The following NPSR1 variants were observed in gnomAD, a reference collection of about 807,000 sequenced individuals.
NPSR1 encodes neuropeptide S receptor 1.
Under a neutral mutation model 46.9 loss-of-function variants are expected in NPSR1, and 48 were observed. The ratio of observed to expected loss-of-function variants is 1.02; its 90% CI spans 0.81 to 1.30. The LOEUF is 1.30. Ranked by LOEUF, NPSR1 falls within the 50% of genes most tolerant of loss-of-function variation. The pLI is 0.00. For missense variants in NPSR1, 450 were observed against 449.5 expected (o/e 1.00, Z -0.01); for synonymous variants, 176 against 168.1 (o/e 1.05, Z -0.36).
chr7:34,751,440 A>G, intron 2 of NPSR1: 2 of 1,091,344 alleles, frequency 1.8e-6, no homozygotes, highest in Non-Finnish European at 2.8e-6. Context: ...TCTGTTTGCC[A>G]TCCAACAGTT....
At chr7:34,844,509 C>A (rs933807458) in intron 6 of NPSR1, among the ~76,000 whole-genome samples, 1 of 151,698 alleles carries the variant, frequency 6.6e-6, no homozygotes, top group African/African-American at 2.4e-5. Flanking sequence ...TAGAAAGTAA[C>A]TTTGCCTAGG....
At chr7:34,865,705 AT>A (rs978792191) in intron 8 of NPSR1, among the ~76,000 whole-genome samples, 2 of 151,412 alleles carry the variant, frequency 1.3e-5, no homozygotes, top group Non-Finnish European at 2.9e-5. Context: ...GGGGCACTAC[AT>A]TTCTCTCTTC....
intron 8 of NPSR1, among the ~76,000 whole-genome samples, chr7:34,865,547 G>A (rs1287906957): frequency 6.6e-6 from 1 of 151,766 alleles, no homozygotes; most frequent in Non-Finnish European, 1.5e-5. Flanking sequence ...CCACATGGAA[G>A]GAAACAGCTC....
At chr7:34,702,263 T>C (rs932230419) in intron 2 of NPSR1, among the ~76,000 whole-genome samples, 3 of 152,242 alleles carry the variant, frequency 2.0e-5, no homozygotes, top group South Asian at 2.1e-4. Flanking sequence ...CTCCTCTTAA[T>C]TGGCATTGCC....
At chr7:34,782,795 T>G (rs574653544) in intron 3 of NPSR1, among the ~76,000 whole-genome samples, 1 of 151,966 alleles carries the variant, frequency 6.6e-6, no homozygotes, top group South Asian at 2.1e-4. Flanking sequence ...CCCAATGAAA[T>G]AGAGATATAT....
intron 5 of NPSR1, among the ~76,000 whole-genome samples, chr7:34,831,668 G>C (rs1007038848): frequency 2.0e-5 from 3 of 152,132 alleles, no homozygotes; most frequent in Non-Finnish European, 4.4e-5. Flanking sequence ...AACAGGAGTT[G>C]TTTTGAAATT....
intron 3 of NPSR1, among the ~76,000 whole-genome samples, chr7:34,797,985 G>C (rs529147647): frequency 1.3e-5 from 2 of 152,098 alleles, no homozygotes; most frequent in Admixed American, 1.3e-4. Context: ...ACAAAAACAG[G>C]AAATTTCTCA....
intron 1 of NPSR1, among the ~76,000 whole-genome samples, chr7:34,668,341 T>C (rs1378374771): frequency 6.6e-6 from 1 of 152,246 alleles, no homozygotes; most frequent in Non-Finnish European, 1.5e-5. Flanking sequence ...AGATAGAAGA[T>C]ATTCTTTTGG....
chr7:34,848,441 A>G, intron 7 of NPSR1, 42 bp from the exon 8 acceptor site: 4 of 1,590,822 alleles, frequency 2.5e-6, no homozygotes, highest in Middle Eastern at 1.7e-4. Flanking sequence ...AGACCCCTCA[A>G]CTGCTACCTG....
chr7:34,733,331 A>G (rs1784516204), intron 2 of NPSR1, among the ~76,000 whole-genome samples: 1 of 151,804 alleles, frequency 6.6e-6, no homozygotes, highest in Non-Finnish European at 1.5e-5. Flanking sequence ...AGGCAGGAGA[A>G]TTGCTTGAAC....
At position 34,811,871 on chromosome 7, in the gene NPSR1, G is replaced by A; in HGVS notation, c.478+8G>A. On this transcript the variant is annotated splice_region_variant and intron_variant, in intron 4 of 8. Transcript: ENST00000360581. Reference sequence around the variant, plus strand: ...TGAAGTTCCTTCAAGGAGGTGAGCTGGCTTTACCAGGTGCTCTTTCATAAA... The same window carrying A: ...TGAAGTTCCTTCAAGGAGGTGAGCTAGCTTTACCAGGTGCTCTTTCATAAA... 9 of 1,595,500 alleles carry A rather than the reference G, an allele frequency of 5.6e-6. No homozygotes were observed. The highest frequency in any genetic ancestry group is 7.7e-6 in the Non-Finnish European group (9 of 1,164,390).
intron 1 of NPSR1, among the ~76,000 whole-genome samples, chr7:34,666,289 G>T (rs1045004313): frequency 2.0e-5 from 3 of 152,190 alleles, no homozygotes; most frequent in African/African-American, 7.2e-5. Context: ...ACAGGTTTCT[G>T]TAACCCAGGA....
chr7:34,778,141 C>T (rs1787061816), intron 2 of NPSR1, among the ~76,000 whole-genome samples: 1 of 152,104 alleles, frequency 6.6e-6, no homozygotes, highest in Non-Finnish European at 1.5e-5. Flanking sequence ...ACAGTGCTTT[C>T]TTTAGTACAG....
At chr7:34,725,751 C>G (rs986198435) in intron 2 of NPSR1, among the ~76,000 whole-genome samples, 1 of 152,124 alleles carries the variant, frequency 6.6e-6, no homozygotes, top group Non-Finnish European at 1.5e-5. Flanking sequence ...AGACAGACAT[C>G]GGATAAAGGA....
chr7:34,807,979 T>C (rs1788793253), intron 3 of NPSR1, among the ~76,000 whole-genome samples: 1 of 145,004 alleles, frequency 6.9e-6, no homozygotes, highest in African/African-American at 2.5e-5. Context: ...ACTTCACAAA[T>C]GTAATCAAAT....
At chr7:34,673,801 T>A (rs1169429695) in intron 1 of NPSR1, among the ~76,000 whole-genome samples, 1 of 152,180 alleles carries the variant, frequency 6.6e-6, no homozygotes, top group Non-Finnish European at 1.5e-5. Context: ...ATTTCTTACT[T>A]TTTTGTGAAT....
At chr7:34,839,349 G>C (rs964345181) in intron 6 of NPSR1, among the ~76,000 whole-genome samples, 118 of 152,142 alleles carry the variant, frequency 7.8e-4, no homozygotes, top group African/African-American at 2.8e-3. Context: ...AATAGACAAG[G>C]AAAATTCAAG....
At chr7:34,728,790 G>C (rs1460089911) in intron 2 of NPSR1, 4 of 152,684 alleles carry the variant, frequency 2.6e-5, no homozygotes, top group Admixed American at 1.3e-4. Flanking sequence ...TGACTGAACT[G>C]TCTCCCTGCG....
intron 8 of NPSR1, among the ~76,000 whole-genome samples, chr7:34,864,745 A>G (rs1791269982): frequency 1.3e-5 from 2 of 151,846 alleles, no homozygotes; most frequent in Non-Finnish European, 2.9e-5. Context: ...AAACAAAGAG[A>G]ACAGAGAAGA....
Sources: gnomAD v4.1 joint callset for allele counts (sites outside exome capture counted in the v4.1 genomes callset) on GRCh38, gnomAD v4.1.1 for gene constraint, MANE v1.5 for transcripts, NCBI Gene and HGNC (gene_info 2026-07-23, HGNC 2026-07-21) for gene names.